PKLR: variants seen among roughly 807,000 people sequenced by gnomAD.
PKLR encodes the protein pyruvate kinase L/R.
Under a neutral mutation model 53.6 loss-of-function variants are expected in PKLR, and 38 were observed. The observed-to-expected ratio is 0.71, with a 90% CI of 0.55 to 0.93. The LOEUF is 0.93. Among genes scored for constraint, PKLR ranks in the 40% least tolerant of loss-of-function variants. PKLR has a pLI of 0.00. For synonymous variants in PKLR, 328 were observed against 316.2 expected (o/e 1.04, Z -0.39); for missense variants, 702 against 787.3 (o/e 0.89, Z 1.30).
chr1:155,295,574 G>A lies in PKLR; in HGVS notation c.376-6C>T. On this transcript the variant is annotated splice_region_variant and splice_polypyrimidine_tract_variant and intron_variant, in intron 3 of 10. Coordinates refer to ENST00000342741, the MANE Select transcript of PKLR (RefSeq NM_000298.6). The surrounding 1 kb of genome is among the most constrained non-coding windows in gnomAD (Gnocchi z 4.3). ...GCGATGGACTCAGCATGGTACTGGG[G>A]GAGGGAGCGGAGCGAGGGTTTCAGG... 6.2e-7 allele frequency: 1 copy of A among 1,614,102 alleles called. No homozygotes were observed. Among genetic ancestry groups the A allele is most frequent in the South Asian group, 1.1e-5 (1 of 91,072 alleles).
At chr1:155,302,232 CTTTTCT>C (rs1479379028), upstream of PKLR, among the ~76,000 whole-genome samples, 5 of 132,024 alleles carry the variant, frequency 3.8e-5, no homozygotes, top group East Asian at 2.5e-4. Context: ...TTTTTCTTTT[CTTTTCT>C]TTTTTTTTTT....
intron 2 of PKLR, among the ~76,000 whole-genome samples, chr1:155,298,866 C>T (rs1437811414): frequency 6.6e-6 from 1 of 151,886 alleles, no homozygotes; most frequent in Non-Finnish European, 1.5e-5. Context: ...TGGTCTCGGA[C>T]CCCTGACCTC....
the PKLR span, among the ~76,000 whole-genome samples, chr1:155,307,886 C>A: frequency 6.6e-6 from 1 of 151,944 alleles, no homozygotes; most frequent in African/African-American, 2.4e-5. Flanking sequence ...ACCCGGGAAG[C>A]GAGGTTGCAG....
intron 5 of PKLR, 120 bp from the exon 6 acceptor site, chr1:155,294,872 G>A (rs2148206055): frequency 7.6e-7 from 1 of 1,315,678 alleles, no homozygotes; most frequent in Non-Finnish European, 1.1e-6. Flanking sequence ...TCATCTCTCC[G>A]CCCTTGTTCT....
In PKLR at chr1:155,289,357, C is replaced by T. The variant is rs1472460540; in HGVS notation, c.*1215G>A. The T allele has an allele frequency of 6.6e-6, 1 of 151,566 alleles. No homozygotes were observed. Among genetic ancestry groups the T allele is most frequent in the African/African-American group, 2.4e-5 (1 of 41,178 alleles). 9.4% of individuals were successfully genotyped at this position (151,566 alleles called of 1,614,324 possible). On this transcript the variant is annotated 3_prime_UTR_variant, in exon 11 of 11. Transcript: ENST00000342741. ...TGTGTTACCAATTAATTTTGTTTAC[C>T]CATTCCTTTATCCATCCCTCCCCTC...
intron 5 of PKLR, 119 bp downstream of exon 5, chr1:155,294,997 G>A (rs571183772): frequency 1.7e-5 from 21 of 1,221,202 alleles, no homozygotes; most frequent in Non-Finnish European, 2.2e-5. Flanking sequence ...CCTGGGACGG[G>A]CTGGCAAAAA....
At position 155,300,373 on chromosome 1, in the gene PKLR, A is replaced by G. The variant is rs8177961; in HGVS notation, c.101-93T>C. 108 of 962,052 alleles carry G rather than the reference A, an allele frequency of 1.1e-4. No homozygotes were observed. The African/African-American group carries it at 1.6e-3, about 14-fold the overall frequency. 59.6% of individuals were successfully genotyped at this position (962,052 alleles called of 1,614,324 possible). ...CATACCCTCTGTTCCTTCCCTTCTT[A>G]TGAGCTGGGCATCATGCATATATTA... On this transcript the variant is annotated intron_variant, in intron 1 of 10. Transcript: ENST00000342741.
chr1:155,299,491 C>CTTTTTTTTTTTTTTTTTTTTTTTTTT (rs35869567), intron 2 of PKLR, among the ~76,000 whole-genome samples: 2 of 42,760 alleles, frequency 4.7e-5, no homozygotes, highest in African/African-American at 1.0e-4. Flanking sequence ...GCCCAGCCCA[C>CTTTTTTTTTTTTTTTTTTTTTTTTTT]TTTTTTTTTT....
At chr1:155,303,062 G>A (rs773158140), upstream of PKLR, among the ~76,000 whole-genome samples, 4 of 152,054 alleles carry the variant, frequency 2.6e-5, no homozygotes, top group African/African-American at 7.2e-5. Flanking sequence ...ACCATACCCC[G>A]AACCCCTCCT....
chr1:155,294,067 AG>A (rs1322658696), intron 7 of PKLR, among the ~76,000 whole-genome samples, 167 bp downstream of exon 7: 1 of 152,230 alleles, frequency 6.6e-6, no homozygotes, highest in African/African-American at 2.4e-5. Flanking sequence ...CAAGAGGCGG[AG>A]GTTGCAGTGA....
At chr1:155,291,074 G>A (rs1364246314) in intron 10 of PKLR, among the ~76,000 whole-genome samples, 2 of 151,364 alleles carry the variant, frequency 1.3e-5, no homozygotes, top group African/African-American at 4.9e-5. Context: ...AGTCATTGAG[G>A]GACCAGGCCA....
At chr1:155,299,167 C>CTCTT (rs907028518) in intron 2 of PKLR, among the ~76,000 whole-genome samples, 5 of 138,626 alleles carry the variant, frequency 3.6e-5, no homozygotes, top group Admixed American at 7.6e-5. Flanking sequence ...CTTTCTCTCT[C>CTCTT]TCTTTCTTTC....
At chr1:155,303,234 G>T (rs1648127770), upstream of PKLR, among the ~76,000 whole-genome samples, 1 of 152,248 alleles carries the variant, frequency 6.6e-6, no homozygotes, top group Non-Finnish European at 1.5e-5. Context: ...TCTTGGGATG[G>T]TTTGGGGCAT....
In PKLR at chr1:155,295,655, C is replaced by G. The variant is rs8177971; in HGVS notation, c.375+10G>C. ...CTGCCCCACCCACTGCCCGGCGGCC[C>G]GTCCCGCACCTCGTGGGAGCCGTGG... On this transcript the variant is annotated intron_variant, in intron 3 of 10. Coordinates refer to ENST00000342741, the MANE Select transcript of PKLR (RefSeq NM_000298.6). This position sits in a 1 kb window ranked among gnomAD's most constrained non-coding sequence, Gnocchi z 4.3. 7.2e-5 allele frequency: 117 copies of G among 1,614,078 alleles called. No homozygotes were observed. In the African/African-American group the frequency reaches 1.4e-3, roughly 19 times the overall value.
rs567357814 is a variant in PKLR, at chr1:155,293,999, G to A, written c.1116+236C>T. On this transcript the variant is annotated intron_variant, in intron 7 of 10. Coordinates refer to ENST00000342741, the MANE Select transcript of PKLR (RefSeq NM_000298.6). This position sits in a 1 kb window ranked among gnomAD's most constrained non-coding sequence, Gnocchi z 4.2. ...AATACAAAAAGTAGCCTGGCATGGCGGCGGTCACCTGTAATCCCCACTACT... is the reference window on the plus strand; with the variant it reads ...AATACAAAAAGTAGCCTGGCATGGCAGCGGTCACCTGTAATCCCCACTACT... Among the ~76,000 whole-genome samples, 2 of 152,248 alleles carry A rather than the reference G, an allele frequency of 1.3e-5. No individual in the cohort carries two copies. Among genetic ancestry groups the A allele is most frequent in the African/African-American group, 2.4e-5 (1 of 41,546 alleles).
intron 9 of PKLR, among the ~76,000 whole-genome samples, chr1:155,292,689 C>A (rs974379553): frequency 1.3e-5 from 2 of 152,050 alleles, no homozygotes; most frequent in African/African-American, 2.4e-5. Context: ...GTATAAAACC[C>A]TTTTGAGAAA....
upstream of PKLR, among the ~76,000 whole-genome samples, chr1:155,304,614 C>A (rs1452636191): frequency 6.6e-6 from 1 of 151,950 alleles, no homozygotes; most frequent in African/African-American, 2.4e-5. Context: ...GGCAAAACAG[C>A]CGTGGAGAGG....
chr1:155,294,515 A>G lies in PKLR; in HGVS notation c.932T>C (p.Ile311Thr). Residue 311 changes from isoleucine to threonine, a missense_variant, in exon 6 of 11, where the codon ATC becomes ACC. Around this residue, in one of 2 missense-constraint regions of PKLR, gnomAD observed 519 missense variants for 537.1 expected, o/e 0.97. Transcript: ENST00000342741. ...GCCTTCGTGGTTCTCAATTTTGCTGATGATCTTGATGCCGTGTCCTTCCGG... is the reference window on the plus strand; with the variant it reads ...GCCTTCGTGGTTCTCAATTTTGCTGGTGATCTTGATGCCGTGTCCTTCCGG... ...LGPEGHGIKI[I>T]SKIENHEGVK... The G allele has an allele frequency of 6.2e-7, 1 of 1,614,232 alleles. No homozygotes were observed. The highest frequency in any genetic ancestry group is 8.5e-7 in the Non-Finnish European group (1 of 1,180,026).
chr1:155,299,801 C>T lies in PKLR; in HGVS notation c.283+297G>A, dbSNP rs551344364. Among the ~76,000 whole-genome samples the T allele has an allele frequency of 5.3e-5, 8 of 152,182 alleles. No individual in the cohort carries two copies. In the South Asian group the frequency reaches 6.2e-4, roughly 12 times the overall value. ...GATTACAGGCATGAGCCACCATGCC[C>T]GGCCTCACTTTCTAACGGAATAAAT... On this transcript the variant is annotated intron_variant, in intron 2 of 10. Coordinates refer to ENST00000342741, the MANE Select transcript of PKLR (RefSeq NM_000298.6).
Sources: allele counts gnomAD v4.1 joint callset (sites outside exome capture counted in the v4.1 genomes callset), GRCh38; gene constraint gnomAD v4.1.1; regional missense constraint gnomAD v4.1.1; non-coding constraint Gnocchi (gnomAD v3.1); transcripts MANE v1.5; gene names NCBI Gene and HGNC (gene_info 2026-07-23, HGNC 2026-07-21).